Variants in GNA14 observed in about 807,000 individuals in gnomAD.
GNA14 encodes the protein guanine nucleotide-binding protein subunit alpha-14.
In GNA14, 50 loss-of-function variants were observed where a neutral mutation model predicts 42.0. The ratio of observed to expected loss-of-function variants is 1.19; its 90% CI spans 0.95 to 1.51. The LOEUF (loss-of-function observed/expected upper bound fraction) is 1.51, where lower values mean the gene tolerates loss of function less well. Among genes scored for constraint, GNA14 ranks in the 40% most tolerant of loss-of-function variants. GNA14 has a pLI of 0.00. For missense variants in GNA14, 473 were observed against 446.2 expected (o/e 1.06, Z -0.54); for synonymous variants, 173 against 163.1 (o/e 1.06, Z -0.46).
At chr9:77,472,606 A>T (rs550625095) in intron 2 of GNA14, among the ~76,000 whole-genome samples, 16 of 152,316 alleles carry the variant, frequency 1.1e-4, no homozygotes, top group Middle Eastern at 3.4e-3. Flanking sequence ...TGTAAGAATC[A>T]ATTGTAGTTT....
rs1309184762 is a variant in GNA14, at chr9:77,506,282, T to C, written c.309+22787A>G. 2.1e-5 allele frequency among the ~76,000 whole-genome samples: 3 copies of C among 144,348 alleles called. No homozygotes were observed. In the East Asian group the frequency reaches 6.0e-4, roughly 29 times the overall value. 94.7% of individuals were successfully genotyped at this position (144,348 alleles called of 152,430 possible). A position where few individuals can be genotyped will look rare whatever the true frequency, so the allele number is the denominator to read the frequency against. On this transcript the variant is annotated intron_variant, in intron 2 of 6. Transcript: ENST00000341700. ...AACCAACAGAGTGAGACCCTGTCTC[T>C]TAAAAAAAAAAAAAAAAAGAAATGA...
At chr9:77,589,940 A>C (rs1823366110) in intron 1 of GNA14, among the ~76,000 whole-genome samples, 1 of 151,970 alleles carries the variant, frequency 6.6e-6, no homozygotes, top group Admixed American at 6.6e-5. Context: ...GTTTTGAGAT[A>C]GAGTCTTGCT....
At chr9:77,556,700 T>C (rs1374745880) in intron 1 of GNA14, among the ~76,000 whole-genome samples, 4 of 152,070 alleles carry the variant, frequency 2.6e-5, no homozygotes, top group African/African-American at 9.7e-5. Context: ...GCTTGGAAAT[T>C]GCCTTGTGCC....
chr9:77,492,868 G>T (rs967258477), intron 2 of GNA14, among the ~76,000 whole-genome samples: 2 of 151,366 alleles, frequency 1.3e-5, no homozygotes, highest in African/African-American at 4.9e-5. Flanking sequence ...GGGCATGGTG[G>T]CAGACACCTG....
intron 2 of GNA14, among the ~76,000 whole-genome samples, chr9:77,482,346 T>C (rs915947010): frequency 1.3e-5 from 2 of 152,200 alleles, no homozygotes; most frequent in Non-Finnish European, 2.9e-5. Context: ...GAATTCTGGG[T>C]TGAAAATTCT....
chr9:77,596,653 G>A (rs1411358266), intron 1 of GNA14, among the ~76,000 whole-genome samples: 2 of 152,138 alleles, frequency 1.3e-5, no homozygotes, highest in South Asian at 4.2e-4. Flanking sequence ...GGAGAAAAAG[G>A]AAGTGTGAAA....
intron 1 of GNA14, among the ~76,000 whole-genome samples, chr9:77,613,924 A>G (rs1296441093): frequency 1.3e-5 from 2 of 152,064 alleles, no homozygotes; most frequent in African/African-American, 2.4e-5. Context: ...TCCCAAATGT[A>G]AGGGAAGAAA....
At position 77,645,769 on chromosome 9, in the gene GNA14, T is replaced by C. The variant is rs114095740; in HGVS notation, c.124+1901A>G. On this transcript the variant is annotated intron_variant, in intron 1 of 6. Coordinates refer to ENST00000341700, the MANE Select transcript of GNA14 (RefSeq NM_004297.4). ...ACAGCTCAGCTGACTACACAATTTT[T>C]CATACAAAGAGCCAGCATTTGTCAA... 5.1e-3 allele frequency among the ~76,000 whole-genome samples: 776 copies of C among 152,290 alleles called. 11 individuals are homozygous for C. Among genetic ancestry groups the C allele is most frequent in the African/African-American group, 0.018 (741 of 41,554 alleles).
In GNA14 at chr9:77,431,368, G is replaced by A. The variant is rs772024460; in HGVS notation, c.546C>T (p.Thr182=). ...CAAATGGATACTCAATGATGCCGGT[G>A]GTGGGCACTCGGACGCGAAGCACAT... ...QQDVLRVRVP[T]TGIIEYPFDL... is the part of the protein sequence containing the mutation. The change falls in exon 4 of 7, where the codon ACC becomes ACT. Residue 182 remains threonine, a synonymous_variant. Coordinates refer to ENST00000341700, the MANE Select transcript of GNA14 (RefSeq NM_004297.4). 1 of 1,613,648 alleles carries A rather than the reference G, an allele frequency of 6.2e-7. No individual in the cohort carries two copies. The highest frequency in any genetic ancestry group is 1.1e-5 in the South Asian group (1 of 91,014).
chr9:77,467,297 G>T (rs887275203), intron 2 of GNA14, among the ~76,000 whole-genome samples: 4 of 151,900 alleles, frequency 2.6e-5, no homozygotes, highest in Non-Finnish European at 4.4e-5. Flanking sequence ...TATGCCCTTT[G>T]AGTCTTCTCC....
intron 1 of GNA14, among the ~76,000 whole-genome samples, chr9:77,537,932 TGTTGA>T (rs1327214317): frequency 2.0e-5 from 3 of 152,220 alleles, no homozygotes; most frequent in African/African-American, 4.8e-5. Flanking sequence ...TTATTTAAGT[TGTTGA>T]GTTATTTGAG....
At chr9:77,647,610 G>A in intron 1 of GNA14, 60 bp downstream of exon 1, 2 of 1,564,352 alleles carry the variant, frequency 1.3e-6, no homozygotes, top group East Asian at 2.3e-5. Context: ...CAGTGGAGAG[G>A]CCGGGAGGGC....
At chr9:77,638,455 G>A (rs1173412182) in intron 1 of GNA14, among the ~76,000 whole-genome samples, 1 of 152,216 alleles carries the variant, frequency 6.6e-6, no homozygotes, top group East Asian at 1.9e-4. Flanking sequence ...CTTTTGAGCT[G>A]AGACGTGAAG....
chr9:77,565,466 C>T (rs781559950), intron 1 of GNA14, among the ~76,000 whole-genome samples: 3 of 151,724 alleles, frequency 2.0e-5, no homozygotes, highest in Admixed American at 6.6e-5. Flanking sequence ...TTTTTTTAAA[C>T]TTTATTTTTG....
chr9:77,472,119 C>T (rs569066848), intron 2 of GNA14, among the ~76,000 whole-genome samples: 1 of 152,130 alleles, frequency 6.6e-6, no homozygotes, highest in Non-Finnish European at 1.5e-5. Flanking sequence ...AGCTTTGCAC[C>T]AGCTCTGTCA....
At chr9:77,586,642 G>C in intron 1 of GNA14, among the ~76,000 whole-genome samples, 1 of 152,216 alleles carries the variant, frequency 6.6e-6, no homozygotes, top group East Asian at 1.9e-4. Context: ...TCTAGTCCGT[G>C]GCAAAGTGCA....
chr9:77,463,944 T>G (rs968157007), intron 2 of GNA14, among the ~76,000 whole-genome samples: 6 of 152,212 alleles, frequency 3.9e-5, no homozygotes, highest in African/African-American at 1.4e-4. Flanking sequence ...AAATATATAG[T>G]TATACTGCCT....
intron 2 of GNA14, among the ~76,000 whole-genome samples, chr9:77,442,502 T>A (rs1835750644): frequency 1.3e-5 from 2 of 152,246 alleles, no homozygotes; most frequent in Admixed American, 1.3e-4. Context: ...CTGTCGACTC[T>A]GGAAGGGACA....
chr9:77,558,572 T>A (rs1325359755), intron 1 of GNA14, among the ~76,000 whole-genome samples: 1 of 152,096 alleles, frequency 6.6e-6, no homozygotes, highest in Non-Finnish European at 1.5e-5. Flanking sequence ...GGCTCCCAGA[T>A]CGTACATCTA....
Sources: allele counts gnomAD v4.1 joint callset (sites outside exome capture counted in the v4.1 genomes callset), GRCh38; gene constraint gnomAD v4.1.1; transcripts MANE v1.5; gene names NCBI Gene and HGNC (gene_info 2026-07-23, HGNC 2026-07-21).